LDB2: variants seen among roughly 807,000 people sequenced by gnomAD.
LDB2 encodes LIM domain-binding protein 2.
Under a neutral mutation model 44.3 loss-of-function variants are expected in LDB2, and 12 were observed. That is an observed-to-expected ratio of 0.27 (90% confidence interval 0.17 to 0.44). LDB2 has a LOEUF of 0.44. LDB2 is among the 20% of genes least tolerant of loss of function. The pLI, the probability that LDB2 is intolerant of heterozygous loss-of-function variation, is 1.00. For synonymous variants in LDB2, 164 were observed against 174.8 expected, an observed-to-expected ratio of 0.94 and a Z score of 0.49; for missense variants, 344 against 473.5, an observed-to-expected ratio of 0.73 and a Z score of 2.54.
intron 1 of LDB2, among the ~76,000 whole-genome samples, chr4:16,865,528 G>A (rs968551903): frequency 2.0e-5 from 3 of 152,146 alleles, no homozygotes; most frequent in Admixed American, 1.3e-4. Context: ...CTGTGATCAT[G>A]AGGATGCCCC....
At chr4:16,636,537 T>G (rs1250121656) in intron 2 of LDB2, among the ~76,000 whole-genome samples, 1 of 152,212 alleles carries the variant, frequency 6.6e-6, no homozygotes, top group African/African-American at 2.4e-5. Flanking sequence ...GACAATAAGA[T>G]TGTCATTTAC....
Position 16,502,274 on chromosome 4 carries a change from T to C in LDB2, c.*369A>G, listed in dbSNP as rs1717711617. The C allele has an allele frequency of 5.2e-6, 1 of 194,046 alleles. No individual in the cohort carries two copies. Among genetic ancestry groups the C allele is most frequent in the Admixed American group, 5.3e-5 (1 of 18,976 alleles). The allele number at this position is 194,046 out of a possible 1,614,324, so 12.0% of individuals were successfully genotyped here. A position where few individuals can be genotyped will look rare whatever the true frequency, so the allele number is the denominator to read the frequency against. ...AGTTAGGTTCGGCATATTAATGAGA[T>C]CCTGAGCACTGAGCATTTATGGACA... is the stretch of plus-strand genomic sequence containing the variant. On this transcript the variant is annotated 3_prime_UTR_variant, in exon 8 of 8. Coordinates refer to ENST00000304523, the MANE Select transcript of LDB2 (RefSeq NM_001290.5).
intron 1 of LDB2, 68 bp from the exon 2 acceptor site, chr4:16,759,328 G>C (rs1767376792): frequency 8.3e-7 from 1 of 1,198,122 alleles, no homozygotes; most frequent in South Asian, 1.2e-5. Flanking sequence ...AAGAGAAAAG[G>C]GAAGAGAAAG....
chr4:16,601,574 T>C (rs1420273490), intron 2 of LDB2, among the ~76,000 whole-genome samples: 1 of 152,178 alleles, frequency 6.6e-6, no homozygotes, highest in Non-Finnish European at 1.5e-5. Context: ...CACATGTTTT[T>C]AATTAGGTAA....
At chr4:16,823,717 G>A (rs1163463474) in intron 1 of LDB2, among the ~76,000 whole-genome samples, 1 of 152,170 alleles carries the variant, frequency 6.6e-6, no homozygotes, top group Non-Finnish European at 1.5e-5. Flanking sequence ...TGATTAGCAA[G>A]GTACTGCAGC....
chr4:16,586,519 CACACACAAA>C (rs1560554178), intron 4 of LDB2, among the ~76,000 whole-genome samples: 3 of 86,260 alleles, frequency 3.5e-5, no homozygotes, highest in Admixed American at 1.1e-4. Flanking sequence ...CACACACACA[CACACACAAA>C]ACACACACAC....
At chr4:16,864,326 G>A (rs933636537) in intron 1 of LDB2, among the ~76,000 whole-genome samples, 8 of 152,144 alleles carry the variant, frequency 5.3e-5, no homozygotes, top group Non-Finnish European at 7.4e-5. Context: ...AAAAATCAAA[G>A]AGTGATTCAT....
chr4:16,788,252 A>G (rs1251206230), intron 1 of LDB2, among the ~76,000 whole-genome samples: 2 of 152,234 alleles, frequency 1.3e-5, no homozygotes, highest in Non-Finnish European at 2.9e-5. Context: ...TCCGCTCTCC[A>G]CAGGGCAAGG....
At chr4:16,605,530 A>G (rs1006647389) in intron 2 of LDB2, among the ~76,000 whole-genome samples, 1 of 152,210 alleles carries the variant, frequency 6.6e-6, no homozygotes, top group Non-Finnish European at 1.5e-5. Flanking sequence ...TCGTCACAAT[A>G]AATTTGATTC....
At chr4:16,579,039 G>A (rs905504924) in intron 5 of LDB2, among the ~76,000 whole-genome samples, 1 of 152,144 alleles carries the variant, frequency 6.6e-6, no homozygotes, top group Non-Finnish European at 1.5e-5. Context: ...ACCACAGATT[G>A]GGAAGGGTCA....
intron 2 of LDB2, among the ~76,000 whole-genome samples, chr4:16,599,890 T>G (rs1722096058): frequency 4.6e-5 from 7 of 152,176 alleles, no homozygotes; most frequent in Admixed American, 4.6e-4. Context: ...TTGAATTAGA[T>G]TTTTGTCCCT....
chr4:16,823,080 C>T (rs1782410476), intron 1 of LDB2, among the ~76,000 whole-genome samples: 1 of 152,224 alleles, frequency 6.6e-6, no homozygotes, highest in South Asian at 2.1e-4. Flanking sequence ...GGATTCACAG[C>T]ACACTTGATA....
At chr4:16,511,629 C>G (rs951470202) in intron 6 of LDB2, among the ~76,000 whole-genome samples, 2 of 151,946 alleles carry the variant, frequency 1.3e-5, no homozygotes, top group African/African-American at 4.8e-5. Flanking sequence ...AACATTAGGC[C>G]GTGAGAAGCC....
chr4:16,681,580 G>A (rs920333579), intron 2 of LDB2, among the ~76,000 whole-genome samples: 2 of 126,792 alleles, frequency 1.6e-5, no homozygotes, highest in African/African-American at 5.9e-5. Context: ...CAATCATTTT[G>A]TTGTAGGATA....
At chr4:16,888,552 A>ATTATCACACG in intron 1 of LDB2, 1 of 203,680 alleles carries the variant, frequency 4.9e-6, no homozygotes, top group Non-Finnish European at 8.7e-6. Context: ...AACCAAACTC[A>ATTATCACACG]AGAGTCCTAG....
intron 1 of LDB2, among the ~76,000 whole-genome samples, chr4:16,790,561 T>C (rs1038302288): frequency 6.6e-6 from 1 of 152,186 alleles, no homozygotes; most frequent in Admixed American, 6.5e-5. Flanking sequence ...GTACGTACAC[T>C]CCATGACGTT....
chr4:16,540,127 A>G (rs1031369462), intron 5 of LDB2, among the ~76,000 whole-genome samples: 7 of 152,040 alleles, frequency 4.6e-5, no homozygotes, highest in African/African-American at 1.7e-4. Context: ...GAACTCACTC[A>G]CTGCCAGGAG....
At chr4:16,859,942 G>C (rs1204929658) in intron 1 of LDB2, among the ~76,000 whole-genome samples, 1 of 152,136 alleles carries the variant, frequency 6.6e-6, no homozygotes, top group African/African-American at 2.4e-5. Flanking sequence ...CCAATTTAGA[G>C]ACAAGTACTA....
chr4:16,537,111 C>T, intron 5 of LDB2, among the ~76,000 whole-genome samples: 1 of 152,136 alleles, frequency 6.6e-6, no homozygotes. Flanking sequence ...AGAGGGACTT[C>T]CTTTCTTTTT....
Sources: allele counts gnomAD v4.1 joint callset (sites outside exome capture counted in the v4.1 genomes callset), GRCh38; gene constraint gnomAD v4.1.1; transcripts MANE v1.5; gene names NCBI Gene and HGNC (gene_info 2026-07-23, HGNC 2026-07-21).